The following ACSM2A variants were observed in gnomAD, a reference collection of about 807,000 sequenced individuals.
ACSM2A encodes acyl-CoA synthetase medium chain family member 2A.
In ACSM2A, 72 loss-of-function variants were observed where a neutral mutation model predicts 76.6. That is an observed-to-expected ratio of 0.94 (90% CI 0.78 to 1.14). The LOEUF (loss-of-function observed/expected upper bound fraction) is 1.14. Ranked by LOEUF, ACSM2A falls within the 50% of genes most tolerant of loss-of-function variation. ACSM2A has a pLI of 0.00. For missense variants in ACSM2A, 684 were observed against 708.5 expected, an observed-to-expected ratio of 0.97 and a Z score of 0.39; for synonymous variants, 249 against 255.9, an observed-to-expected ratio of 0.97 and a Z score of 0.26.
chr16:20,483,190 A>C lies in ACSM2A; in HGVS notation c.1629+13A>C, dbSNP rs753569866. On this transcript the variant is annotated intron_variant, in intron 13 of 13. Transcript: ENST00000573854. ...GTACCCAAGAAAGGTAAGGCCTTTG[A>C]GCTCCCAAGTCACTCAAACTTGAGA... The C allele has an allele frequency of 5.6e-6, 9 of 1,613,064 alleles. No individual in the cohort carries two copies. The South Asian group carries it at 7.7e-5, about 14-fold the overall frequency.
At chr16:20,480,188 G>C (rs1444284839) in intron 10 of ACSM2A, among the ~76,000 whole-genome samples, 1 of 152,216 alleles carries the variant, frequency 6.6e-6, no homozygotes, top group African/African-American at 2.4e-5. Context: ...ATTTAACAAA[G>C]AAGCTAAGAA....
chr16:20,486,530 G>C lies in ACSM2A; in HGVS notation c.1630-44G>C, dbSNP rs760217146. On this transcript the variant is annotated intron_variant, in intron 13 of 13. Coordinates refer to ENST00000573854, the MANE Select transcript of ACSM2A (RefSeq NM_001308172.2). ...GCAGTTCTGAAAAATGCAACCCACT[G>C]TCGTCACAGATCACCCACCCTGGAC... is the stretch of plus-strand genomic sequence containing the variant. 2.3e-5 allele frequency: 37 copies of C among 1,607,556 alleles called. 1 individual carries two copies. The highest frequency in any genetic ancestry group is 3.1e-5 in the Non-Finnish European group (36 of 1,174,366).
At position 20,475,452 on chromosome 16, in the gene ACSM2A, T is replaced by G. The variant is rs1197304626; in HGVS notation, c.974+11T>G. On this transcript the variant is annotated intron_variant, in intron 7 of 13. Transcript: ENST00000573854. ...GCAGGATCTTTCCAGGTGATGGGGCTTTGAGGATTGGTAAGAGAGTCTGGC... is the reference window on the plus strand; with the variant it reads ...GCAGGATCTTTCCAGGTGATGGGGCGTTGAGGATTGGTAAGAGAGTCTGGC... 3 of 1,613,714 alleles carry G rather than the reference T, an allele frequency of 1.9e-6. No individual in the cohort carries two copies. The highest frequency in any genetic ancestry group is 2.5e-6 in the Non-Finnish European group (3 of 1,179,718).
chr16:20,457,401 T>C (rs1363752982), intron 1 of ACSM2A, among the ~76,000 whole-genome samples: 1 of 152,082 alleles, frequency 6.6e-6, no homozygotes, highest in Non-Finnish European at 1.5e-5. Context: ...TGAACATAGA[T>C]GCAAAAATTC....
intron 1 of ACSM2A, among the ~76,000 whole-genome samples, chr16:20,456,484 C>G (rs1462313939): frequency 6.6e-6 from 1 of 151,610 alleles, no homozygotes; most frequent in African/African-American, 2.4e-5. Context: ...AATTGGAAAT[C>G]AACTCCAAAA....
Position 20,460,224 on chromosome 16 carries a change from A to G in ACSM2A, c.110A>G (p.His37Arg), listed in dbSNP as rs780884024. Residue 37 changes from histidine to arginine, a missense_variant, in exon 2 of 14, where the codon CAC becomes CGC. Around this residue, in one of 3 missense-constraint regions of ACSM2A, gnomAD observed 519 missense variants for 549.5 expected, o/e 0.94. Coordinates refer to ENST00000573854, the MANE Select transcript of ACSM2A (RefSeq NM_001308172.2). Reference sequence around the variant, plus strand: ...CAACTGGTGTCCCTGCAGTGGGGCCACCAGGAAGTGCCGGCCAAGTTTAAC... The same window carrying G: ...CAACTGGTGTCCCTGCAGTGGGGCCGCCAGGAAGTGCCGGCCAAGTTTAAC... ...SRQLVSLQWG[H>R]QEVPAKFNFA... The G allele has an allele frequency of 1.7e-5, 28 of 1,613,406 alleles. No homozygotes were observed. Among genetic ancestry groups the G allele is most frequent in the Non-Finnish European group, 1.9e-5 (23 of 1,179,710 alleles).
intron 2 of ACSM2A, among the ~76,000 whole-genome samples, chr16:20,463,321 G>T (rs532372604): frequency 5.3e-5 from 8 of 151,624 alleles, no homozygotes; most frequent in Non-Finnish European, 1.2e-4. Context: ...AATTGGAAGG[G>T]CAGGAGCAAA....
rs527849431 is a variant in ACSM2A, at chr16:20,459,282, A to G, written c.-8-825A>G. 5.9e-5 allele frequency among the ~76,000 whole-genome samples: 9 copies of G among 152,212 alleles called. No individual in the cohort carries two copies. In the South Asian group the frequency reaches 1.9e-3, roughly 32 times the overall value. ...TCACCAATAAAGAACTTATATAGAA[A>G]CAACAATTATGACAGCTGTAATTTC... On this transcript the variant is annotated intron_variant, in intron 1 of 13. Transcript: ENST00000573854.
chr16:20,465,370 A>C lies in ACSM2A; in HGVS notation c.178-147A>C, dbSNP rs57560822. 765 of 1,082,218 alleles carry C rather than the reference A, an allele frequency of 7.1e-4. 7 individuals carry two copies. In the African/African-American group the frequency reaches 0.011, roughly 15 times the overall value. The allele number at this position is 1,082,218 out of a possible 1,614,324, so 67.0% of individuals were successfully genotyped here. A position where few individuals can be genotyped will look rare whatever the true frequency, so the allele number is the denominator to read the frequency against. On this transcript the variant is annotated intron_variant, in intron 2 of 13. Coordinates refer to ENST00000573854, the MANE Select transcript of ACSM2A (RefSeq NM_001308172.2). ...TAACTCATATAAATAACAAGTCTTT[A>C]GAATTTTCAATACCTTTTAAGATTG...
In ACSM2A at chr16:20,471,378, C is replaced by T. The variant is rs8055322; in HGVS notation, c.741-158C>T. On this transcript the variant is annotated intron_variant, in intron 5 of 13. Transcript: ENST00000573854. ...TGTGGATAGAACAACTTTTCTTCCC[C>T]CTTCCTACTTATACATAGACATATG... Among the ~76,000 whole-genome samples the T allele has an allele frequency of 3.0e-3, 455 of 152,268 alleles. 5 individuals are homozygous for T. Among genetic ancestry groups the T allele is most frequent in the African/African-American group, 0.01 (430 of 41,544 alleles).
intron 4 of ACSM2A, among the ~76,000 whole-genome samples, 199 bp downstream of exon 4, chr16:20,469,918 T>C (rs371434042): frequency 2.3e-5 from 3 of 132,880 alleles, no homozygotes; most frequent in Non-Finnish European, 4.7e-5. Flanking sequence ...AAGGACTAAA[T>C]GGGGCTTGAT....
chr16:20,474,108 G>C (rs1052353218), intron 6 of ACSM2A: 1 of 440,596 alleles, frequency 2.3e-6, no homozygotes, highest in Non-Finnish European at 4.5e-6. Flanking sequence ...TCCCTAAAAT[G>C]TATAAAACCA....
chr16:20,477,639 T>C (rs537577471), intron 9 of ACSM2A, among the ~76,000 whole-genome samples, 190 bp downstream of exon 9: 1 of 152,138 alleles, frequency 6.6e-6, no homozygotes, highest in Admixed American at 6.5e-5. Context: ...GGGGAAATGA[T>C]TTATATTCTT....
chr16:20,470,065 G>A (rs1488071640), intron 4 of ACSM2A, among the ~76,000 whole-genome samples: 1 of 151,990 alleles, frequency 6.6e-6, no homozygotes, highest in Non-Finnish European at 1.5e-5. Flanking sequence ...CCACACTTCT[G>A]GGCTGCGCAC....
In ACSM2A at chr16:20,486,738, C is replaced by T; in HGVS notation, c.*60C>T. The stretch of plus-strand genomic sequence containing the variant: ...TCTTTCTCTTTCTTTTCCCTTTGGG[C>T]CCTTGGCCTTCCTATGATTATATGA... On this transcript the variant is annotated 3_prime_UTR_variant, in exon 14 of 14. Coordinates refer to ENST00000573854, the MANE Select transcript of ACSM2A (RefSeq NM_001308172.2). 1 of 1,582,262 alleles carries T rather than the reference C, an allele frequency of 6.3e-7. No homozygotes were observed.
At position 20,486,632 on chromosome 16, in the gene ACSM2A, T is replaced by G. The variant is rs1277601131; in HGVS notation, c.1688T>G (p.Leu563Arg). The change falls in exon 14 of 14, where the codon CTT (leucine) becomes CGT (arginine). Residue 563 changes from leucine to arginine, a missense_variant. Around this residue, in one of 3 missense-constraint regions of ACSM2A, gnomAD observed 159 missense variants for 132.5 expected, o/e 1.20. Coordinates refer to ENST00000573854, the MANE Select transcript of ACSM2A (RefSeq NM_001308172.2). ...ACAGGGAAAATTCAACGAGCCAAGC[T>G]TCGAGACAAGGAGTGGAAGATGTCC... Reference protein sequence around the residue: ...TVTGKIQRAKLRDKEWKMSGK... With the variant: ...TVTGKIQRAKRRDKEWKMSGK... 1.2e-6 allele frequency: 2 copies of G among 1,614,174 alleles called. No individual in the cohort carries two copies. Among genetic ancestry groups the G allele is most frequent in the South Asian group, 2.2e-5 (2 of 91,080 alleles).
At chr16:20,470,106 G>C (rs951215065) in intron 4 of ACSM2A, among the ~76,000 whole-genome samples, 5 of 152,190 alleles carry the variant, frequency 3.3e-5, no homozygotes, top group South Asian at 2.1e-4. Flanking sequence ...AGAGTTCCAT[G>C]CTATGGTAAA....
intron 1 of ACSM2A, among the ~76,000 whole-genome samples, chr16:20,455,381 T>C (rs1401022987): frequency 6.6e-6 from 1 of 151,494 alleles, no homozygotes; most frequent in Non-Finnish European, 1.5e-5. Context: ...GAAAGAATCT[T>C]AAGAGCTGTG....
intron 10 of ACSM2A, among the ~76,000 whole-genome samples, chr16:20,479,760 C>T (rs1240820803): frequency 3.3e-5 from 5 of 152,150 alleles, no homozygotes; most frequent in South Asian, 2.1e-4. Flanking sequence ...GACTCAGAAG[C>T]GTCTGTGGGG....
Sources: allele counts gnomAD v4.1 joint callset (sites outside exome capture counted in the v4.1 genomes callset), GRCh38; gene constraint gnomAD v4.1.1; regional missense constraint gnomAD v4.1.1; transcripts MANE v1.5; gene names NCBI Gene and HGNC (gene_info 2026-07-23, HGNC 2026-07-21).